ADK: variants seen among roughly 807,000 people sequenced by gnomAD.
ADK encodes the protein N6,N6-dimethyladenosine kinase.
In ADK, 24 loss-of-function variants were observed where a neutral mutation model predicts 44.7. That is an observed-to-expected ratio of 0.54 (90% CI 0.39 to 0.76). The LOEUF is 0.76. Among genes scored for constraint, ADK ranks in the 30% least tolerant of loss-of-function variants. The pLI, the probability that ADK is intolerant of heterozygous loss-of-function variation, is 0.00. For missense variants in ADK, 321 were observed against 425.1 expected, an observed-to-expected ratio of 0.76 and a Z score of 2.15; for synonymous variants, 128 against 142.6, an observed-to-expected ratio of 0.90 and a Z score of 0.73.
At chr10:74,511,323 C>T (rs1318313712) in intron 6 of ADK, among the ~76,000 whole-genome samples, 1 of 152,082 alleles carries the variant, frequency 6.6e-6, no homozygotes, top group Admixed American at 6.6e-5. Flanking sequence ...TCTTTTTACT[C>T]AGGATTGCTT....
At chr10:74,553,704 G>T (rs1001184429) in intron 7 of ADK, among the ~76,000 whole-genome samples, 1 of 152,114 alleles carries the variant, frequency 6.6e-6, no homozygotes, top group Non-Finnish European at 1.5e-5. Flanking sequence ...TTGTTAGGGG[G>T]TATAGGGATT....
intron 3 of ADK, among the ~76,000 whole-genome samples, chr10:74,250,606 G>C (rs1447746757): frequency 6.6e-6 from 1 of 152,198 alleles, no homozygotes; most frequent in Non-Finnish European, 1.5e-5. Flanking sequence ...TACAAAGATA[G>C]TTGATAGAAT....
chr10:74,470,729 T>A (rs1211146792), intron 6 of ADK, among the ~76,000 whole-genome samples: 1 of 152,100 alleles, frequency 6.6e-6, no homozygotes, highest in Non-Finnish European at 1.5e-5. Context: ...TTCTCTCACT[T>A]CATAAGTTGC....
At chr10:74,669,943 C>G (rs1249063210) in intron 9 of ADK, among the ~76,000 whole-genome samples, 2 of 152,128 alleles carry the variant, frequency 1.3e-5, no homozygotes. Flanking sequence ...TGTGAACTAC[C>G]TAGGTATAAC....
At chr10:74,166,637 A>G (rs974726816) in intron 1 of ADK, among the ~76,000 whole-genome samples, 3 of 151,342 alleles carry the variant, frequency 2.0e-5, no homozygotes, top group African/African-American at 7.3e-5. Flanking sequence ...CAATAAGCCA[A>G]GATTGCGCCA....
chr10:74,348,487 C>A (rs191371595), intron 4 of ADK, among the ~76,000 whole-genome samples: 1 of 151,994 alleles, frequency 6.6e-6, no homozygotes, highest in South Asian at 2.1e-4. Flanking sequence ...GAAAAACCAG[C>A]GCAAAAACGG....
intron 9 of ADK, among the ~76,000 whole-genome samples, chr10:74,632,581 C>T (rs943108405): frequency 6.6e-6 from 1 of 152,042 alleles, no homozygotes; most frequent in Non-Finnish European, 1.5e-5. Flanking sequence ...TTCGCATGGC[C>T]TTCTTCCCTG....
intron 6 of ADK, among the ~76,000 whole-genome samples, chr10:74,430,386 C>T (rs1844941231): frequency 6.6e-6 from 1 of 152,162 alleles, no homozygotes; most frequent in African/African-American, 2.4e-5. Flanking sequence ...TATTGAAAGA[C>T]ATCTTGGTTG....
chr10:74,357,538 C>T (rs1842186940), intron 4 of ADK, among the ~76,000 whole-genome samples: 1 of 150,298 alleles, frequency 6.7e-6, no homozygotes, highest in African/African-American at 2.5e-5. Flanking sequence ...TGGGCTCAAG[C>T]AATCCACCCA....
At chr10:74,399,944 G>A (rs1178042625) in intron 6 of ADK, among the ~76,000 whole-genome samples, 1 of 152,064 alleles carries the variant, frequency 6.6e-6, no homozygotes, top group Non-Finnish European at 1.5e-5. Flanking sequence ...TAGTTGTAAT[G>A]ATTATACAGT....
chr10:74,280,597 A>C (rs1846899180), intron 3 of ADK, among the ~76,000 whole-genome samples: 1 of 152,044 alleles, frequency 6.6e-6, no homozygotes, highest in South Asian at 2.1e-4. Context: ...GCCAACCATC[A>C]CTTCTATTTG....
At chr10:74,657,877 A>G (rs949186439) in intron 9 of ADK, among the ~76,000 whole-genome samples, 11 of 152,350 alleles carry the variant, frequency 7.2e-5, no homozygotes, top group South Asian at 2.1e-4. Flanking sequence ...AAAAGAGAAT[A>G]ATCAGTTCTG....
Position 74,338,336 on chromosome 10 carries a change from C to T in ADK, c.273+23591C>T, listed in dbSNP as rs528135968. On this transcript the variant is annotated intron_variant, in intron 4 of 10. Transcript: ENST00000539909. Reference sequence around the variant, plus strand: ...TGTTGCTGATAGGAAAATGACACAGCCACTCTGGAAAACAGTTTGGCATTT... The same window carrying T: ...TGTTGCTGATAGGAAAATGACACAGTCACTCTGGAAAACAGTTTGGCATTT... Among the ~76,000 whole-genome samples the T allele has an allele frequency of 3.6e-4, 55 of 152,158 alleles. No homozygotes were observed. The South Asian group carries it at 8.5e-3, about 24-fold the overall frequency.
intron 4 of ADK, among the ~76,000 whole-genome samples, chr10:74,379,310 G>C (rs1181162223): frequency 6.6e-6 from 1 of 152,198 alleles, no homozygotes; most frequent in African/African-American, 2.4e-5. Flanking sequence ...TTGAAATCTG[G>C]AAATAGTTTG....
chr10:74,197,921 G>A (rs751789626), intron 1 of ADK, among the ~76,000 whole-genome samples: 1 of 152,074 alleles, frequency 6.6e-6, no homozygotes, highest in Non-Finnish European at 1.5e-5. Flanking sequence ...AACTGAGAGG[G>A]GACCAATTGA....
intron 6 of ADK, among the ~76,000 whole-genome samples, chr10:74,472,483 T>C (rs979482291): frequency 1.4e-4 from 22 of 152,274 alleles, no homozygotes; most frequent in Non-Finnish European, 2.9e-5. Flanking sequence ...CTCCATTTTT[T>C]AGCTTTCCTT....
intron 3 of ADK, among the ~76,000 whole-genome samples, chr10:74,240,784 A>T (rs1845178333): frequency 6.6e-6 from 1 of 152,174 alleles, no homozygotes; most frequent in African/African-American, 2.4e-5. Flanking sequence ...TTTGAAAATT[A>T]TATGCATTTT....
At chr10:74,283,206 T>C (rs150091764) in intron 3 of ADK, among the ~76,000 whole-genome samples, 2,199 of 152,268 alleles carry the variant, frequency 0.014, 23 homozygotes, top group African/African-American at 0.025. Flanking sequence ...CACACTTTCT[T>C]GGACTCCTCT....
intron 6 of ADK, among the ~76,000 whole-genome samples, chr10:74,410,406 G>A (rs1844128379): frequency 6.6e-6 from 1 of 152,116 alleles, no homozygotes; most frequent in African/African-American, 2.4e-5. Context: ...AGGCACAGTG[G>A]CTCAAGCCTG....
Sources: allele counts gnomAD v4.1 joint callset (sites outside exome capture counted in the v4.1 genomes callset), GRCh38; gene constraint gnomAD v4.1.1; transcripts MANE v1.5; gene names NCBI Gene and HGNC (gene_info 2026-07-23, HGNC 2026-07-21).